GOLGB1: variants seen among roughly 807,000 people sequenced by gnomAD.
The protein encoded by GOLGB1 is golgin B1.
Under a neutral mutation model 336.9 loss-of-function variants are expected in GOLGB1, and 174 were observed. The ratio of observed to expected loss-of-function variants is 0.52; its 90% confidence interval spans 0.46 to 0.59. The LOEUF is 0.59. GOLGB1 is among the 20% of genes least tolerant of loss of function. The pLI, the probability that GOLGB1 is intolerant of heterozygous loss-of-function variation, is 0.00. For missense variants in GOLGB1, 3,331 were observed against 3,645.3 expected (o/e 0.91, Z 2.22); for synonymous variants, 1,208 against 1,289.2 (o/e 0.94, Z 1.35).
intron 1 of GOLGB1, among the ~76,000 whole-genome samples, chr3:121,744,355 C>G (rs1947092821): frequency 1.3e-5 from 2 of 150,486 alleles, no homozygotes; most frequent in Admixed American, 6.6e-5. Context: ...GCCTGTAATC[C>G]CAGCACCTTA....
intron 9 of GOLGB1, among the ~76,000 whole-genome samples, chr3:121,715,230 G>T (rs1944665373): frequency 6.8e-6 from 1 of 146,310 alleles, no homozygotes. Flanking sequence ...TTGATACGGA[G>T]TCTCCCTCTG....
chr3:121,716,076 C>A (rs754078969), intron 9 of GOLGB1, among the ~76,000 whole-genome samples: 7 of 151,848 alleles, frequency 4.6e-5, no homozygotes, highest in Non-Finnish European at 8.8e-5. Context: ...TTTCTAAAAT[C>A]TTTCCTTTAT....
At chr3:121,714,807 C>T in intron 10 of GOLGB1, 54 bp downstream of exon 10, 1 of 1,103,968 alleles carries the variant, frequency 9.1e-7, no homozygotes. Flanking sequence ...CACCGAAGTA[C>T]AGATACAGCA....
chr3:121,690,665 C>T lies in GOLGB1; in HGVS notation c.8694+5G>A. 9 of 1,383,298 alleles carry T rather than the reference C, an allele frequency of 6.5e-6. No homozygotes were observed. The highest frequency in any genetic ancestry group is 8.8e-6 in the Non-Finnish European group (9 of 1,021,362). The allele number at this position is 1,383,298 out of a possible 1,614,324, so 85.7% of individuals were successfully genotyped here. On this transcript the variant is annotated splice_donor_5th_base_variant and intron_variant, in intron 14 of 21. Coordinates refer to ENST00000614479, the MANE Select transcript of GOLGB1 (RefSeq NM_001366282.2). ...CAGATCAGAAAGAAAGAACTAGCTACTCACTAGTCTGTCTCTGTCATTTTG... is the reference window on the plus strand; with the variant it reads ...CAGATCAGAAAGAAAGAACTAGCTATTCACTAGTCTGTCTCTGTCATTTTG...
In GOLGB1 at chr3:121,694,569, GT is replaced by G; in HGVS notation, c.5953del (p.Thr1985LeufsTer35). ...EEKQQLVKEK[T>X]KVESEIRKEY... is the part of the protein sequence containing the mutation. ...CTTTCGTATTTCTGATTCCACCTTAGTTTTTTCCTTGACTAACTGCTGCTTT... is the reference window on the plus strand; with the variant it reads ...CTTTCGTATTTCTGATTCCACCTTAGTTTTTCCTTGACTAACTGCTGCTTT... On this transcript the variant is annotated frameshift_variant, in exon 13 of 22. Coordinates refer to ENST00000614479, the MANE Select transcript of GOLGB1 (RefSeq NM_001366282.2). LOFTEE classifies it high-confidence loss of function. The G allele has an allele frequency of 6.2e-7, 1 of 1,612,450 alleles. No homozygotes were observed. The highest frequency in any genetic ancestry group is 1.1e-5 in the South Asian group (1 of 91,064).
chr3:121,708,763 G>A (rs1174027504), intron 10 of GOLGB1, among the ~76,000 whole-genome samples: 3 of 152,026 alleles, frequency 2.0e-5, no homozygotes, highest in Non-Finnish European at 4.4e-5. Flanking sequence ...GTCAATAAAT[G>A]AAAATTAAAT....
chr3:121,697,126 T>C lies in GOLGB1; in HGVS notation c.3397A>G (p.Ser1133Gly). The C allele has an allele frequency of 6.2e-7, 1 of 1,614,152 alleles. No individual in the cohort carries two copies. Among genetic ancestry groups the C allele is most frequent in the Non-Finnish European group, 8.5e-7 (1 of 1,179,998 alleles). ...TCCCCATCACTTGCATCCGTGTTAC[T>C]TGTGATTAACTTCTGGATAATTGCT... Reference protein sequence around the residue: ...NQAIIQKLITSNTDASDGDSV... With the variant: ...NQAIIQKLITGNTDASDGDSV... Residue 1133 changes from serine (S) to glycine (G), a missense_variant, in exon 13 of 22, where the codon AGT (serine) becomes GGT (glycine). Ser to Gly is a moderately conservative substitution (Grantham distance 56, BLOSUM62 0). Coordinates refer to ENST00000614479, the MANE Select transcript of GOLGB1 (RefSeq NM_001366282.2).
intron 1 of GOLGB1, among the ~76,000 whole-genome samples, chr3:121,740,055 G>A (rs1946744463): frequency 6.6e-6 from 1 of 152,198 alleles, no homozygotes; most frequent in Non-Finnish European, 1.5e-5. Flanking sequence ...CCAGTGGTTA[G>A]AGAGGGGTTG....
In GOLGB1 at chr3:121,696,100, C is replaced by T. The variant is rs1942917483; in HGVS notation, c.4423G>A (p.Glu1475Lys). 1 of 1,613,924 alleles carries T rather than the reference C, an allele frequency of 6.2e-7. No homozygotes were observed. The highest frequency in any genetic ancestry group is 1.3e-5 in the African/African-American group (1 of 74,916). ...TTTGCTCTACTTTCTTCTCCAATCT[C>T]TTCTGGTTTTTGCTTCATTTCACAA... ...ELCEMKQKPE[E>K]IGEESRAKQQ... The change falls in exon 13 of 22, where the codon GAG (glutamate) becomes AAG (lysine). Residue 1475 changes from glutamate to lysine, a missense_variant. Glu to Lys is a moderately conservative substitution (Grantham distance 56, BLOSUM62 1). Transcript: ENST00000614479.
chr3:121,710,887 GA>G (rs35841499), intron 10 of GOLGB1, among the ~76,000 whole-genome samples: 51,476 of 147,750 alleles, frequency 0.35, 9,426 homozygotes, highest in Non-Finnish European at 0.42. Flanking sequence ...TTTAAAAAAA[GA>G]AAAAAAAAAG....
At chr3:121,668,010 A>C (rs780332325) in intron 19 of GOLGB1, 51 bp downstream of exon 19, 1 of 930,146 alleles carries the variant, frequency 1.1e-6, no homozygotes, top group Non-Finnish European at 1.7e-6. Flanking sequence ...ATTACTGCCC[A>C]ATTTCTGGAC....
chr3:121,730,016 T>TG lies in GOLGB1; in HGVS notation c.97_98insC (p.Glu33AlafsTer7), dbSNP rs776167476. 4.4e-6 allele frequency: 7 copies of TG among 1,604,988 alleles called. No individual in the cohort carries two copies. Among genetic ancestry groups the TG allele is most frequent in the Non-Finnish European group, 1.7e-6 (2 of 1,176,332 alleles). ...TTCCATGTCAGATTCTTGGTGTAAT[T>TG]CCTAATATTTAGGAAAAAAGTTGCC... is the stretch of plus-strand genomic sequence containing the variant. On this transcript the variant is annotated frameshift_variant and splice_region_variant, in exon 3 of 22. Transcript: ENST00000614479. LOFTEE classifies it high-confidence loss of function.
At position 121,691,423 on chromosome 3, in the gene GOLGB1, G is replaced by C. The variant is rs764611165; in HGVS notation, c.7941C>G (p.His2647Gln). 22 of 1,613,556 alleles carry C rather than the reference G, an allele frequency of 1.4e-5. No homozygotes were observed. The African/African-American group carries it at 2.0e-4, about 15-fold the overall frequency. The change falls in exon 14 of 22, where the codon CAC becomes CAG. Residue 2647 changes from histidine to glutamine, a missense_variant. Coordinates refer to ENST00000614479, the MANE Select transcript of GOLGB1 (RefSeq NM_001366282.2). ...AQLKVKEEEV[H>Q]RLSALFSSSQ... ...AGGAGGAAAACAAAGCACTTAACCT[G>C]TGTACCTCTTCTTCTTTTACTTTTA...
chr3:121,710,374 T>C (rs1457261761), intron 10 of GOLGB1, among the ~76,000 whole-genome samples: 2 of 152,056 alleles, frequency 1.3e-5, no homozygotes, highest in Non-Finnish European at 2.9e-5. Flanking sequence ...GATAAAGATA[T>C]CATAAAACAA....
At chr3:121,731,055 C>A in intron 1 of GOLGB1, 82 bp from the exon 2 acceptor site, 1 of 1,363,942 alleles carries the variant, frequency 7.3e-7, no homozygotes. Context: ...CCATATCATC[C>A]GTGAATGAAA....
At position 121,664,381 on chromosome 3, in the gene GOLGB1, G is replaced by A. The variant is rs1938290388; in HGVS notation, c.*99C>T. ...CCGTGAAGAGTTGGAGAGAAGACCT[G>A]TAAATGGGAAGACTGTTCCACTGGA... On this transcript the variant is annotated 3_prime_UTR_variant, in exon 22 of 22. Coordinates refer to ENST00000614479, the MANE Select transcript of GOLGB1 (RefSeq NM_001366282.2). The A allele has an allele frequency of 2.7e-6, 3 of 1,094,188 alleles. No homozygotes were observed. Among genetic ancestry groups the A allele is most frequent in the African/African-American group, 1.5e-5 (1 of 64,596 alleles). The allele number at this position is 1,094,188 out of a possible 1,614,324, so 67.8% of individuals were successfully genotyped here.
In GOLGB1 at chr3:121,677,268, G is replaced by T; in HGVS notation, c.9039+17C>A. The T allele has an allele frequency of 1.3e-6, 2 of 1,563,266 alleles. No homozygotes were observed. Among genetic ancestry groups the T allele is most frequent in the Non-Finnish European group, 1.8e-6 (2 of 1,141,186 alleles). Reference sequence around the variant, plus strand: ...AAAATTTATCTCTGAGTAACAATCAGCATTGAAATTACTCACCTGTCTTTG... The same window carrying T: ...AAAATTTATCTCTGAGTAACAATCATCATTGAAATTACTCACCTGTCTTTG... On this transcript the variant is annotated intron_variant, in intron 16 of 21. Coordinates refer to ENST00000614479, the MANE Select transcript of GOLGB1 (RefSeq NM_001366282.2).
intron 1 of GOLGB1, among the ~76,000 whole-genome samples, chr3:121,731,796 A>G (rs1576459994): frequency 6.6e-6 from 1 of 152,216 alleles, no homozygotes; most frequent in African/African-American, 2.4e-5. Flanking sequence ...AGAACAAATT[A>G]CAGCCAGTGT....
chr3:121,732,342 A>G (rs1000583980), intron 1 of GOLGB1, among the ~76,000 whole-genome samples: 1 of 152,202 alleles, frequency 6.6e-6, no homozygotes, highest in African/African-American at 2.4e-5. Flanking sequence ...GAAGATAGAA[A>G]AGGAAGGAAC....
Sources: gnomAD v4.1 joint callset for allele counts (sites outside exome capture counted in the v4.1 genomes callset) on GRCh38, gnomAD v4.1.1 for gene constraint, MANE v1.5 for transcripts, NCBI Gene and HGNC (gene_info 2026-07-23, HGNC 2026-07-21) for gene names.